Variants in RSPO1 observed in about 807,000 individuals in gnomAD.
RSPO1 encodes the protein R-spondin 1.
A neutral mutation model predicts 26.0 loss-of-function variants in RSPO1; 18 were observed. The observed-to-expected ratio is 0.69, with a 90% CI of 0.48 to 1.03. RSPO1 has a LOEUF of 1.03. Among genes scored for constraint, RSPO1 ranks in the 50% least tolerant of loss-of-function variants. The pLI, the probability that RSPO1 is intolerant of heterozygous loss-of-function variation, is 0.00. For missense variants in RSPO1, 309 were observed against 352.3 expected (o/e 0.88, Z 0.98); for synonymous variants, 133 against 137.4 (o/e 0.97, Z 0.22).
chr1:37,631,316 G>T (rs1644358043), intron 2 of RSPO1, among the ~76,000 whole-genome samples: 1 of 152,214 alleles, frequency 6.6e-6, no homozygotes, highest in Non-Finnish European at 1.5e-5. Context: ...ACCTGGTGCT[G>T]TGGCCTGAGC....
chr1:37,620,258 A>G (rs1191696865), intron 3 of RSPO1, among the ~76,000 whole-genome samples: 1 of 152,146 alleles, frequency 6.6e-6, no homozygotes, highest in Non-Finnish European at 1.5e-5. Context: ...CATGCCTGTA[A>G]TCCCAGCACT....
rs1644041937 is a variant in RSPO1, at chr1:37,612,668, C to T, written c.*87G>A. ...GATTGGAGTGTGTGTGTATGCTTTGCCCCCGACGTTCCAGTTCAGGAAAGC... is the reference window on the plus strand; with the variant it reads ...GATTGGAGTGTGTGTGTATGCTTTGTCCCCGACGTTCCAGTTCAGGAAAGC... On this transcript the variant is annotated 3_prime_UTR_variant, in exon 7 of 7. Transcript: ENST00000356545. The T allele has an allele frequency of 3.5e-6, 5 of 1,414,778 alleles. No homozygotes were observed. Among genetic ancestry groups the T allele is most frequent in the Non-Finnish European group, 4.9e-6 (5 of 1,012,794 alleles). The allele number at this position is 1,414,778 out of a possible 1,614,324, so 87.6% of individuals were successfully genotyped here. A position where few individuals can be genotyped will look rare whatever the true frequency, so the allele number is the denominator to read the frequency against.
In RSPO1 at chr1:37,612,861, C is replaced by T. The variant is rs202089760; in HGVS notation, c.686G>A (p.Arg229Lys). 2 of 1,614,078 alleles carry T rather than the reference C, an allele frequency of 1.2e-6. No homozygotes were observed. The highest frequency in any genetic ancestry group is 1.7e-6 in the Non-Finnish European group (2 of 1,180,032). ...AGCACCCGCCTCCTTGCTCTCCTTC[C>T]TGGCCAGGTTCCTGTTGGCATTCTC... ...RRENANRNLA[R>K]KESKEAGAGS... is the part of the protein sequence containing the mutation. Residue 229 changes from arginine to lysine, a missense_variant, in exon 7 of 7, where the codon AGG becomes AAG. By Grantham distance (26) the Arg-to-Lys change is conservative (BLOSUM62 2). Coordinates refer to ENST00000356545, the MANE Select transcript of RSPO1 (RefSeq NM_001242908.2).
rs1451838126 is a variant in RSPO1, at chr1:37,612,514, GTGTGTGTA to G, written c.*233_*240del. On this transcript the variant is annotated 3_prime_UTR_variant, in exon 7 of 7. Transcript: ENST00000356545. ...GGTGGCCTCAGGTGTGTGTGTGTGTGTGTGTGTATGTGTGTGTGTGGTGTCTGTGTCTG... is the reference window on the plus strand; with the variant it reads ...GGTGGCCTCAGGTGTGTGTGTGTGTGTGTGTGTGTGTGGTGTCTGTGTCTG... The G allele has an allele frequency of 1.5e-5, 9 of 589,148 alleles. No individual in the cohort carries two copies. Among genetic ancestry groups the G allele is most frequent in the Middle Eastern group, 4.5e-4 (1 of 2,208 alleles). 36.5% of individuals were successfully genotyped at this position (589,148 alleles called of 1,614,324 possible).
chr1:37,626,631 T>C (rs1410933096), intron 3 of RSPO1, among the ~76,000 whole-genome samples: 1 of 152,112 alleles, frequency 6.6e-6, no homozygotes, highest in Admixed American at 6.5e-5. Flanking sequence ...CAGTGAGGGA[T>C]GAGGGACTGT....
intron 3 of RSPO1, among the ~76,000 whole-genome samples, chr1:37,624,059 C>T (rs1006780898): frequency 5.3e-5 from 8 of 152,060 alleles, no homozygotes; most frequent in African/African-American, 1.7e-4. Context: ...CAAGTCCGGC[C>T]GAGCTTTATA....
At chr1:37,620,954 C>T (rs1644193038) in intron 3 of RSPO1, among the ~76,000 whole-genome samples, 1 of 152,156 alleles carries the variant, frequency 6.6e-6, no homozygotes, top group Non-Finnish European at 1.5e-5. Flanking sequence ...CCCGGCATCC[C>T]ATTTGCAGCC....
rs1410086708 is a variant in RSPO1 at position 37,612,768 on chromosome 1, G to T, written c.779C>A (p.Ala260Glu). Residue 260 changes from alanine to glutamate, a missense_variant, in exon 7 of 7, where the codon GCA becomes GAA. Coordinates refer to ENST00000356545, the MANE Select transcript of RSPO1 (RefSeq NM_001242908.2). The part of the protein sequence containing the change: ...QQGTVGPLTS[A>E]GPA ...TGGACAGTGTCCCTAGGCAGGCCCT[G>T]CAGATGTGAGTGGCCCCACTGTCCC... The T allele has an allele frequency of 1.9e-6, 3 of 1,611,280 alleles. No homozygotes were observed. The highest frequency in any genetic ancestry group is 1.7e-5 in the Admixed American group (1 of 60,020).
chr1:37,615,265 C>G (rs752866445), intron 4 of RSPO1, among the ~76,000 whole-genome samples: 18 of 152,192 alleles, frequency 1.2e-4, no homozygotes, highest in South Asian at 2.1e-4. Flanking sequence ...CCTTCCTTCC[C>G]TCCCTGGTGC....
rs781009357 is a variant in RSPO1, at chr1:37,629,556, T to C, written c.94+12A>G. On this transcript the variant is annotated intron_variant, in intron 3 of 6. Coordinates refer to ENST00000356545, the MANE Select transcript of RSPO1 (RefSeq NM_001242908.2). ...CAAGGCCAGCTGTGGCCCACCATGC[T>C]CCATTACTCACTCCGCCTCTGCCTT... 6.2e-7 allele frequency: 1 copy of C among 1,613,170 alleles called. No individual in the cohort carries two copies. Among genetic ancestry groups the C allele is most frequent in the Non-Finnish European group, 8.5e-7 (1 of 1,179,164 alleles).
intron 2 of RSPO1, among the ~76,000 whole-genome samples, chr1:37,631,079 C>T (rs1461671065): frequency 6.6e-6 from 1 of 152,142 alleles, no homozygotes; most frequent in Non-Finnish European, 1.5e-5. Context: ...AGGTGCCCCT[C>T]CCACCCCCTG....
chr1:37,620,629 A>AAAT (rs56294873), intron 3 of RSPO1, among the ~76,000 whole-genome samples: 32,041 of 145,930 alleles, frequency 0.22, 3,841 homozygotes, highest in Middle Eastern at 0.31. Flanking sequence ...CTCTGTCTCA[A>AAAT]AATAATAATA....
At chr1:37,622,979 A>C (rs1644224860) in intron 3 of RSPO1, among the ~76,000 whole-genome samples, 1 of 151,952 alleles carries the variant, frequency 6.6e-6, no homozygotes. Flanking sequence ...GAGGCAGGGG[A>C]CATTGATGGA....
At chr1:37,624,866 C>A (rs957555622) in intron 3 of RSPO1, among the ~76,000 whole-genome samples, 29 of 152,214 alleles carry the variant, frequency 1.9e-4, no homozygotes, top group African/African-American at 6.5e-4. Flanking sequence ...ATCCCATCCA[C>A]CTTACCCCTC....
At position 37,629,364 on chromosome 1, in the gene RSPO1, A is replaced by G. The variant is rs34565418; in HGVS notation, c.94+204T>C. On this transcript the variant is annotated intron_variant, in intron 3 of 6. Transcript: ENST00000356545. ...AAAACAGACAAAGTGAGTCATCTAC[A>G]GAGTGGGTAATCTCAGCAAATTAAT... Among the ~76,000 whole-genome samples, 7,641 of 152,348 alleles carry G rather than the reference A, an allele frequency of 0.05. 212 individuals are homozygous for G. The highest frequency in any genetic ancestry group is 0.063 in the Non-Finnish European group (4,283 of 68,026).
In RSPO1 at chr1:37,612,936, C is replaced by G; in HGVS notation, c.626-15G>C. ...CCTCTTCTGCCCTGAAACAACCAAA[C>G]AGCAGGAAGAATCAACAAAGGATGT... On this transcript the variant is annotated splice_polypyrimidine_tract_variant and intron_variant, in intron 6 of 6. Coordinates refer to ENST00000356545, the MANE Select transcript of RSPO1 (RefSeq NM_001242908.2). 5 of 1,613,814 alleles carry G rather than the reference C, an allele frequency of 3.1e-6. No homozygotes were observed. The highest frequency in any genetic ancestry group is 4.2e-6 in the Non-Finnish European group (5 of 1,179,972).
chr1:37,619,968 C>T (rs569278659), intron 3 of RSPO1, among the ~76,000 whole-genome samples: 4 of 152,094 alleles, frequency 2.6e-5, no homozygotes, highest in Admixed American at 6.5e-5. Context: ...AGGCTGGTCT[C>T]GAACTCTCGA....
rs571186177 is a variant in RSPO1 at position 37,620,988 on chromosome 1, C to T, written c.95-4313G>A. On this transcript the variant is annotated intron_variant, in intron 3 of 6. Coordinates refer to ENST00000356545, the MANE Select transcript of RSPO1 (RefSeq NM_001242908.2). ...CCCTCTCAAGCGATGCTGCCATACT[C>T]ATTTATTCCTTCATTATCACCTGTG... 3.3e-5 allele frequency among the ~76,000 whole-genome samples: 5 copies of T among 152,326 alleles called. No individual in the cohort carries two copies. The East Asian group carries it at 5.8e-4, about 18-fold the overall frequency.
rs1310560165 is a variant in RSPO1 at position 37,614,317 on chromosome 1, G to A, written c.303C>T (p.His101=). ...MNKCIKCKIE[H]CEACFSHNFC... is the part of the protein sequence containing the mutation. ...AGTTATGGCTGAAGCAGGCCTCACA[G>A]TGCTCGATCTTGCATTCTGAGGAGA... Residue 101 remains histidine (H), a synonymous_variant, in exon 5 of 7, where the codon CAC becomes CAT. Coordinates refer to ENST00000356545, the MANE Select transcript of RSPO1 (RefSeq NM_001242908.2). 6.2e-7 allele frequency: 1 copy of A among 1,613,774 alleles called. No individual in the cohort carries two copies. The highest frequency in any genetic ancestry group is 1.7e-5 in the Admixed American group (1 of 60,026).
Sources: allele counts gnomAD v4.1 joint callset (sites outside exome capture counted in the v4.1 genomes callset), GRCh38; gene constraint gnomAD v4.1.1; transcripts MANE v1.5; gene names NCBI Gene and HGNC (gene_info 2026-07-23, HGNC 2026-07-21).